TFRC: variants seen among roughly 807,000 people sequenced by gnomAD.
TFRC encodes the protein transferrin receptor, also known as transferrin receptor protein 1.
TFRC carries 35 observed loss-of-function variants against 85.8 expected under a neutral mutation model. The ratio of observed to expected loss-of-function variants is 0.41; its 90% CI spans 0.31 to 0.54. The LOEUF (loss-of-function observed/expected upper bound fraction) is 0.54. Ranked by LOEUF, TFRC falls within the 20% of genes least tolerant of loss-of-function variation. TFRC has a pLI of 0.31. For synonymous variants in TFRC, 362 were observed against 328.6 expected (o/e 1.10, Z -1.10); for missense variants, 828 against 921.5 (o/e 0.90, Z 1.31).
chr3:196,058,841 G>A (rs1203311165), intron 14 of TFRC: 3 of 326,484 alleles, frequency 9.2e-6, no homozygotes, highest in Non-Finnish European at 1.1e-5. Context: ...TTATGGTGAG[G>A]AAAAAATGTT....
At chr3:196,058,772 T>C in intron 14 of TFRC, 140 bp from the exon 15 acceptor site, 1 of 498,090 alleles carries the variant, frequency 2.0e-6, no homozygotes, top group Non-Finnish European at 3.4e-6. Flanking sequence ...TTTATGATAG[T>C]TAAAACAATC....
chr3:196,058,568 A>C lies in TFRC; in HGVS notation c.1595+6T>G. On this transcript the variant is annotated splice_donor_region_variant and intron_variant, in intron 15 of 18. Transcript: ENST00000360110. ...TTAGTTTGTTCATTCACTTTTCTCA[A>C]CTTACACTTTGCTGGCCCAGTTGCT... The C allele has an allele frequency of 6.2e-7, 1 of 1,610,276 alleles. No homozygotes were observed. Among genetic ancestry groups the C allele is most frequent in the Non-Finnish European group, 8.5e-7 (1 of 1,178,712 alleles).
chr3:196,062,225 A>G (rs1052419445), intron 13 of TFRC, among the ~76,000 whole-genome samples: 1 of 151,718 alleles, frequency 6.6e-6, no homozygotes. Flanking sequence ...CTCAAAAAAA[A>G]AAAAAAGCTT....
Position 196,051,921 on chromosome 3 carries a change from T to G in TFRC, c.*21A>C, listed in dbSNP as rs776156400. 2.9e-5 allele frequency: 46 copies of G among 1,610,988 alleles called. No homozygotes were observed. Among genetic ancestry groups the G allele is most frequent in the Admixed American group, 1.2e-4 (7 of 59,748 alleles). On this transcript the variant is annotated 3_prime_UTR_variant, in exon 19 of 19. Coordinates refer to ENST00000360110, the MANE Select transcript of TFRC (RefSeq NM_001128148.3). ...AAACCAGACTACCCTGCTGTTCTCA[T>G]GGAAGCTATGGGTATCACATTTAAA... is the stretch of plus-strand genomic sequence containing the variant.
chr3:196,073,047 A>AAACAAAC (rs1553798507), intron 4 of TFRC, among the ~76,000 whole-genome samples: 1 of 110,496 alleles, frequency 9.1e-6, no homozygotes, highest in Non-Finnish European at 2.1e-5. Flanking sequence ...AAAAAAAAAA[A>AAACAAAC]AAAAAAAAAA....
intron 7 of TFRC, among the ~76,000 whole-genome samples, chr3:196,068,453 A>G (rs537642802): frequency 2.0e-4 from 30 of 151,880 alleles, no homozygotes; most frequent in Admixed American, 1.8e-3. Context: ...TCTACTAAAA[A>G]TACAAAAATT....
Position 196,062,591 on chromosome 3 carries a change from C to T in TFRC, c.1459G>A (p.Ala487Thr), listed in dbSNP as rs777465794. The T allele has an allele frequency of 1.2e-6, 2 of 1,608,326 alleles. No homozygotes were observed. Among genetic ancestry groups the T allele is most frequent in the Non-Finnish European group, 1.7e-6 (2 of 1,178,428 alleles). The change falls in exon 13 of 19, where the codon GCG (alanine) becomes ACG (threonine). Residue 487 changes from alanine (A) to threonine (T), a missense_variant. Coordinates refer to ENST00000360110, the MANE Select transcript of TFRC (RefSeq NM_001128148.3). ...TGAAAGGGATACTTACCAAGAACCG[C>T]TTTATCCAGATTAATATAAGTGAAA... ...KAFTYINLDK[A>T]VLGTSNFKVS... is the part of the protein sequence containing the mutation.
intron 1 of TFRC, among the ~76,000 whole-genome samples, chr3:196,080,516 G>A (rs1376166697): frequency 6.6e-6 from 1 of 152,242 alleles, no homozygotes; most frequent in African/African-American, 2.4e-5. Flanking sequence ...TGGGATTACA[G>A]GCGGGAGCCA....
chr3:196,072,798 A>T (rs898130930), intron 4 of TFRC: 2 of 152,150 alleles, frequency 1.3e-5, no homozygotes, highest in Non-Finnish European at 2.9e-5. Context: ...GTATGTGCAA[A>T]GATAGTAAAA....
chr3:196,075,318 G>A lies in TFRC; in HGVS notation c.79C>T (p.Arg27Trp), dbSNP rs1170386829. The change falls in exon 3 of 19, where the codon CGG becomes TGG. Residue 27 changes from arginine (R) to tryptophan (W), a missense_variant. Physicochemically the swap from Arg to Trp is moderately radical, Grantham distance 101. Coordinates refer to ENST00000360110, the MANE Select transcript of TFRC (RefSeq NM_001128148.3). ...PLSYTRFSLA[R>W]QVDGDNSHVE... Reference sequence around the variant, plus strand: ...TGACTGTTATCGCCATCTACTTGCCGAGCCAGGCTGAACCGGGTATATGAC... The same window carrying A: ...TGACTGTTATCGCCATCTACTTGCCAAGCCAGGCTGAACCGGGTATATGAC... 2 of 1,614,014 alleles carry A rather than the reference G, an allele frequency of 1.2e-6. No individual in the cohort carries two copies. The highest frequency in any genetic ancestry group is 1.7e-6 in the Non-Finnish European group (2 of 1,180,028).
intron 9 of TFRC, 131 bp from the exon 10 acceptor site, chr3:196,065,731 C>T (rs1179612956): frequency 5.3e-6 from 5 of 940,960 alleles, no homozygotes; most frequent in Non-Finnish European, 7.5e-6. Context: ...GTGGCTCACC[C>T]CTGTAATCCC....
chr3:196,074,899 T>C (rs1187160969), intron 3 of TFRC, among the ~76,000 whole-genome samples: 3 of 139,262 alleles, frequency 2.2e-5, no homozygotes, highest in African/African-American at 8.3e-5. Flanking sequence ...AAAAAAAAAT[T>C]AGCCAGGTGT....
chr3:196,058,629 T>G lies in TFRC; in HGVS notation c.1540A>C (p.Lys514Gln), dbSNP rs113324914. The G allele has an allele frequency of 3.1e-6, 5 of 1,609,896 alleles. No homozygotes were observed. Among genetic ancestry groups the G allele is most frequent in the Non-Finnish European group, 3.4e-6 (4 of 1,178,192 alleles). The change falls in exon 15 of 19, where the codon AAG becomes CAG. Residue 514 changes from lysine to glutamine, a missense_variant. Transcript: ENST00000360110. ...AGAAATTGCCCAGTAACCGGATGCT[T>G]CACCTGTAAGATAAGAAATTATCAT... ...TLIEKTMQNVKHPVTGQFLYQ... is the reference protein window; with the variant it reads ...TLIEKTMQNVQHPVTGQFLYQ...
intron 6 of TFRC, among the ~76,000 whole-genome samples, chr3:196,070,754 G>A (rs1455301300): frequency 1.6e-5 from 2 of 125,030 alleles, no homozygotes; most frequent in South Asian, 2.6e-4. Flanking sequence ...TGGCCAACAT[G>A]GCAAAACCCT....
At position 196,071,430 on chromosome 3, in the gene TFRC, C is replaced by A. The variant is rs1240680353; in HGVS notation, c.653G>T (p.Gly218Val). ...RLVYLVENPG[G>V]YVAYSKAATV... ...TGCAGCCTTACTATACGCCACATAA[C>A]CCCCAGGATTCTCCACCAGGTAAAC... The change falls in exon 6 of 19, where the codon GGT becomes GTT. Residue 218 changes from glycine (G) to valine (V), a missense_variant. Transcript: ENST00000360110. 1 of 1,613,994 alleles carries A rather than the reference C, an allele frequency of 6.2e-7. No homozygotes were observed. The highest frequency in any genetic ancestry group is 8.5e-7 in the Non-Finnish European group (1 of 1,179,902).
chr3:196,064,236 G>A (rs778327418), intron 11 of TFRC, 73 bp downstream of exon 11: 9 of 1,428,296 alleles, frequency 6.3e-6, no homozygotes, highest in Non-Finnish European at 8.3e-6. Flanking sequence ...GGCAAAGTGA[G>A]CAAAGCACAG....
At chr3:196,052,916 C>G (rs1416200669) in intron 18 of TFRC, among the ~76,000 whole-genome samples, 2 of 151,902 alleles carry the variant, frequency 1.3e-5, no homozygotes, top group African/African-American at 4.8e-5. Flanking sequence ...AGTTCGAGAC[C>G]GGCCTGGCTA....
At chr3:196,080,270 AT>A (rs1204072726) in intron 1 of TFRC, among the ~76,000 whole-genome samples, 3 of 152,132 alleles carry the variant, frequency 2.0e-5, no homozygotes, top group Non-Finnish European at 4.4e-5. Flanking sequence ...TGCCCAGCTA[AT>A]TTTTGTATTT....
chr3:196,076,465 T>C (rs1577254873), intron 2 of TFRC, among the ~76,000 whole-genome samples: 3 of 151,792 alleles, frequency 2.0e-5, no homozygotes, highest in African/African-American at 7.2e-5. Flanking sequence ...TTTTTTTTTT[T>C]TTGAGACGGA....
Sources: gnomAD v4.1 joint callset for allele counts (sites outside exome capture counted in the v4.1 genomes callset) on GRCh38, gnomAD v4.1.1 for gene constraint, MANE v1.5 for transcripts, NCBI Gene and HGNC (gene_info 2026-07-23, HGNC 2026-07-21) for gene names.